The following HAUS3 variants were observed in gnomAD, a reference collection of about 807,000 sequenced individuals.
HAUS3 encodes the protein HAUS augmin-like complex subunit 3.
A neutral mutation model predicts 55.2 loss-of-function variants in HAUS3; 36 were observed. The ratio of observed to expected loss-of-function variants is 0.65; its 90% confidence interval spans 0.50 to 0.86. The LOEUF (loss-of-function observed/expected upper bound fraction) is 0.86. HAUS3 is among the 40% of genes least tolerant of loss of function. The probability of loss-of-function intolerance (pLI) is 0.00; values close to 1 mark genes in which losing one functional copy is unlikely to be tolerated. For missense variants in HAUS3, 752 were observed against 671.5 expected, an observed-to-expected ratio of 1.12 and a Z score of -1.33; for synonymous variants, 234 against 238.6, an observed-to-expected ratio of 0.98 and a Z score of 0.18.
Position 2,241,615 on chromosome 4 carries a change from G to C in HAUS3, c.-243C>G, listed in dbSNP as rs868220048. 1 of 985,408 alleles carries C rather than the reference G, an allele frequency of 1.0e-6. No individual in the cohort carries two copies. 61.0% of individuals were successfully genotyped at this position (985,408 alleles called of 1,614,324 possible). ...CAGGGAAGCGCGCGGCCACAATTAAGGGTGCTTCGGGCCGGCCTTCAGCCA... is the reference window on the plus strand; with the variant it reads ...CAGGGAAGCGCGCGGCCACAATTAACGGTGCTTCGGGCCGGCCTTCAGCCA... On this transcript the variant is annotated 5_prime_UTR_variant, in exon 2 of 6. Coordinates refer to ENST00000443786, the MANE Select transcript of HAUS3 (RefSeq NM_001303143.2).
At chr4:2,235,629 G>A (rs1734733251) in intron 5 of HAUS3, among the ~76,000 whole-genome samples, 1 of 152,068 alleles carries the variant, frequency 6.6e-6, no homozygotes, top group Non-Finnish European at 1.5e-5. Flanking sequence ...CATTGAAAAA[G>A]CAAGCAAGTC....
chr4:2,235,452 C>T (rs1366754565), intron 5 of HAUS3, among the ~76,000 whole-genome samples: 1 of 152,188 alleles, frequency 6.6e-6, no homozygotes, highest in East Asian at 1.9e-4. Context: ...GCAGTATGAT[C>T]TATAGTAACA....
rs1183981530 is a variant in HAUS3, at chr4:2,238,770, A to C, written c.1183T>G (p.Leu395Val). The change falls in exon 4 of 6, where the codon TTA (leucine) becomes GTA (valine). Residue 395 changes from leucine to valine, a missense_variant. Physicochemically the swap from Leu to Val is conservative, Grantham distance 32. Transcript: ENST00000443786. Reference protein sequence around the residue: ...ELLQLSYEIELRKHRDIYRQL... With the variant: ...ELLQLSYEIEVRKHRDIYRQL... ...CGATATATGTCCCGATGCTTTCTTA[A>C]TTCAATTTCATATGATAACTGTAGA... 1.9e-6 allele frequency: 3 copies of C among 1,613,836 alleles called. No homozygotes were observed. The South Asian group carries it at 3.3e-5, about 18-fold the overall frequency.
At chr4:2,235,637 G>A (rs1734733436) in intron 5 of HAUS3, among the ~76,000 whole-genome samples, 3 of 152,076 alleles carry the variant, frequency 2.0e-5, no homozygotes, top group African/African-American at 7.2e-5. Flanking sequence ...AAGCAAGCAA[G>A]TCATTGAAGG....
rs1303449105 is a variant in HAUS3, at chr4:2,240,724, C to T, written c.223G>A (p.Ala75Thr). Reference sequence around the variant, plus strand: ...GTTTTAAGAGCTTCATCCAATGCCGCCCCTTCTAGAATAGGCTTGCCTGAT... The same window carrying T: ...GTTTTAAGAGCTTCATCCAATGCCGTCCCTTCTAGAATAGGCTTGCCTGAT... Reference protein sequence around the residue: ...QKSGKPILEGAALDEALKTCK... With the variant: ...QKSGKPILEGTALDEALKTCK... Residue 75 changes from alanine to threonine, a missense_variant, in exon 3 of 6, where the codon GCG becomes ACG. By Grantham distance (58) the Ala-to-Thr change is moderately conservative. Transcript: ENST00000443786. The T allele has an allele frequency of 1.9e-6, 3 of 1,613,886 alleles. No homozygotes were observed. The highest frequency in any genetic ancestry group is 1.3e-5 in the African/African-American group (1 of 74,898).
rs1540287 is a variant in HAUS3, at chr4:2,228,611, C to T, written c.*3316G>A. ...TCGGCCTCCCAAAGTGCTGGGATTA[C>T]AGGCGTGAGCCACCGCACCCGGCCC... On this transcript the variant is annotated 3_prime_UTR_variant, in exon 6 of 6. Transcript: ENST00000443786. The T allele has an allele frequency of 0.15, 24,946 of 170,350 alleles. 3,117 individuals carry two copies. Among genetic ancestry groups the T allele is most frequent in the East Asian group, 0.35 (1,875 of 5,342 alleles). The allele number at this position is 170,350 out of a possible 1,614,324, so 10.6% of individuals were successfully genotyped here. A position where few individuals can be genotyped will look rare whatever the true frequency, so the allele number is the denominator to read the frequency against.
rs201150865 is a variant in HAUS3, at chr4:2,238,724, T to C, written c.1229A>G (p.Gln410Arg). The C allele has an allele frequency of 3.2e-5, 52 of 1,613,712 alleles. 1 individual carries two copies. Among genetic ancestry groups the C allele is most frequent in the Non-Finnish European group, 1.4e-5 (17 of 1,179,834 alleles). ...DIYRQLENLV[Q>R]ELSQSNMMLY... ...CATCATGTTACTTTGACTAAGTTCTTGAACCAAATTTTCAAGTTGACGATA... is the reference window on the plus strand; with the variant it reads ...CATCATGTTACTTTGACTAAGTTCTCGAACCAAATTTTCAAGTTGACGATA... Residue 410 changes from glutamine (Q) to arginine (R), a missense_variant, in exon 4 of 6, where the codon CAA becomes CGA. By Grantham distance (43) the Gln-to-Arg change is conservative. Transcript: ENST00000443786.
In HAUS3 at chr4:2,240,172, G is replaced by A. The variant is rs541010539; in HGVS notation, c.775C>T (p.Arg259Ter). ...AGCTGCAGTCTAGCCATCTCTAGTC[G>A]TCTCTCCTCAAGGATTTCTTGATTA... ...CDNQEILEER[R>*]LEMARLQLAY... Residue 259 changes from arginine to a stop codon, truncating the protein, a stop_gained, in exon 3 of 6, where the codon CGA becomes TGA. Transcript: ENST00000443786. LOFTEE classifies it high-confidence loss of function. 3.1e-6 allele frequency: 5 copies of A among 1,613,906 alleles called. No individual in the cohort carries two copies. Among genetic ancestry groups the A allele is most frequent in the South Asian group, 1.1e-5 (1 of 91,064 alleles).
rs376063631 is a variant in HAUS3 at position 2,238,620 on chromosome 4, C to T, written c.1333G>A (p.Asp445Asn). Reference sequence around the variant, plus strand: ...CATACGTACCTATGAGTAGAATAATCCTTAGTATCAATGGTATTCCTTGGA... The same window carrying T: ...CATACGTACCTATGAGTAGAATAATTCTTAGTATCAATGGTATTCCTTGGA... ...INPRNTIDTK[D>N]YSTHRLYQVL... The change falls in exon 4 of 6, where the codon GAT becomes AAT. Residue 445 changes from aspartate (D) to asparagine (N), a missense_variant. Physicochemically the swap from Asp to Asn is conservative, Grantham distance 23. Transcript: ENST00000443786. 1.3e-5 allele frequency: 21 copies of T among 1,597,760 alleles called. No homozygotes were observed. In the East Asian group the frequency reaches 1.6e-4, roughly 12 times the overall value.
At chr4:2,237,675 T>C (rs1001410288) in intron 4 of HAUS3, among the ~76,000 whole-genome samples, 1 of 152,210 alleles carries the variant, frequency 6.6e-6, no homozygotes, top group African/African-American at 2.4e-5. Flanking sequence ...CATCTTAACC[T>C]ACCTATATTA....
rs931399635 is a variant in HAUS3 at position 2,241,683 on chromosome 4, G to C, written c.-311C>G. The C allele has an allele frequency of 3.0e-6, 3 of 985,390 alleles. No individual in the cohort carries two copies. The African/African-American group carries it at 5.2e-5, about 17-fold the overall frequency. 61.0% of individuals were successfully genotyped at this position (985,390 alleles called of 1,614,324 possible). A position where few individuals can be genotyped will look rare whatever the true frequency, so the allele number is the denominator to read the frequency against. ...ACGCCAGGGCCGCGCGAACCCCAGA[G>C]GCAGCGGCAAGCCCCAGGGATCCGC... On this transcript the variant is annotated 5_prime_UTR_variant, in exon 2 of 6. Coordinates refer to ENST00000443786, the MANE Select transcript of HAUS3 (RefSeq NM_001303143.2).
intron 5 of HAUS3, among the ~76,000 whole-genome samples, chr4:2,235,665 ACAT>A (rs2108777783): frequency 6.6e-6 from 1 of 152,372 alleles, no homozygotes; most frequent in Non-Finnish European, 1.5e-5. Context: ...CCTTCAATAT[ACAT>A]GCCTTTGGTA....
At chr4:2,239,163 T>G (rs935911007) in intron 3 of HAUS3, 120 bp from the exon 4 acceptor site, 2 of 529,882 alleles carry the variant, frequency 3.8e-6, no homozygotes, top group African/African-American at 3.9e-5. Flanking sequence ...GAAAACTAAT[T>G]TAATATTCAT....
At chr4:2,241,959 A>C in intron 1 of HAUS3, 92 bp downstream of exon 1, 6 of 984,422 alleles carry the variant, frequency 6.1e-6, no homozygotes, top group Non-Finnish European at 7.2e-6. Context: ...GGAGCGCAGG[A>C]AAAAAAAGAG....
chr4:2,229,278 T>C lies in HAUS3; in HGVS notation c.*2649A>G. ...AGATTAACATAAGATAAATCCCATA[T>C]ATTAATCCTAAGACTATAAAACAGG... On this transcript the variant is annotated 3_prime_UTR_variant, in exon 6 of 6. Coordinates refer to ENST00000443786, the MANE Select transcript of HAUS3 (RefSeq NM_001303143.2). 1 of 1,487,070 alleles carries C rather than the reference T, an allele frequency of 6.7e-7. No individual in the cohort carries two copies. Among genetic ancestry groups the C allele is most frequent in the Non-Finnish European group, 9.1e-7 (1 of 1,095,238 alleles). The allele number at this position is 1,487,070 out of a possible 1,614,324, so 92.1% of individuals were successfully genotyped here.
At position 2,238,906 on chromosome 4, in the gene HAUS3, C is replaced by T. The variant is rs1044621182; in HGVS notation, c.1047G>A (p.Met349Ile). The change falls in exon 4 of 6, where the codon ATG (methionine) becomes ATA (isoleucine). Residue 349 changes from methionine (M) to isoleucine (I), a missense_variant. Transcript: ENST00000443786. ...VVRENAQLLNMPVVKGDFDLQ... is the reference protein window; with the variant it reads ...VVRENAQLLNIPVVKGDFDLQ... ...GATCAAAATCTCCCTTTACCACTGG[C>T]ATATTCAATAACTGGGCATTCTCTC... 6.2e-7 allele frequency: 1 copy of T among 1,612,858 alleles called. No individual in the cohort carries two copies. Among genetic ancestry groups the T allele is most frequent in the Admixed American group, 1.7e-5 (1 of 59,926 alleles).
At chr4:2,236,057 A>T (rs1734753010) in intron 5 of HAUS3, among the ~76,000 whole-genome samples, 171 bp downstream of exon 5, 1 of 152,250 alleles carries the variant, frequency 6.6e-6, no homozygotes, top group South Asian at 2.1e-4. Context: ...CATCAAAACT[A>T]TCTGAAAAAC....
chr4:2,233,788 TAA>T (rs1434116622), intron 5 of HAUS3, among the ~76,000 whole-genome samples: 1 of 152,222 alleles, frequency 6.6e-6, no homozygotes, highest in African/African-American at 2.4e-5. Flanking sequence ...TTGGTTTAAC[TAA>T]GAGTTTTTCT....
chr4:2,238,963 T>C lies in HAUS3; in HGVS notation c.990A>G (p.Gln330=). 1 of 1,590,770 alleles carries C rather than the reference T, an allele frequency of 6.3e-7. No individual in the cohort carries two copies. The highest frequency in any genetic ancestry group is 1.4e-5 in the African/African-American group (1 of 73,478). The change falls in exon 4 of 6, where the codon CAA becomes CAG. Residue 330 remains glutamine, a synonymous_variant. Transcript: ENST00000443786. ...CAGCAGGTAAACTTCTGTCTTTTAT[T>C]TGAGTGACCTCTTTTTCAAGTTTCA... ...EIMKLEKEVT[Q]IKDRSLPAVV... is the part of the protein sequence containing the mutation.
Sources: gnomAD v4.1 joint callset for allele counts (sites outside exome capture counted in the v4.1 genomes callset) on GRCh38, gnomAD v4.1.1 for gene constraint, MANE v1.5 for transcripts, NCBI Gene and HGNC (gene_info 2026-07-23, HGNC 2026-07-21) for gene names.